SLC5A4: variants seen among roughly 807,000 people sequenced by gnomAD.
The protein encoded by SLC5A4 is solute carrier family 5 member 4, also known as probable glucose sensor protein SLC5A4.
In SLC5A4, 55 loss-of-function variants were observed where a neutral mutation model predicts 70.3. The observed-to-expected ratio is 0.78, with a 90% CI of 0.63 to 0.98. SLC5A4 has a LOEUF of 0.98. Among genes scored for constraint, SLC5A4 ranks in the 50% least tolerant of loss-of-function variants. SLC5A4 has a pLI of 0.00. For missense variants in SLC5A4, 735 were observed against 839.2 expected (o/e 0.88, Z 1.53); for synonymous variants, 268 against 305.7 (o/e 0.88, Z 1.29).
the SLC5A4 span, among the ~76,000 whole-genome samples, chr22:32,280,429 A>T: frequency 6.6e-6 from 1 of 152,062 alleles, no homozygotes; most frequent in South Asian, 2.1e-4. Flanking sequence ...ACTTGGACCC[A>T]CACATAGAGC....
In SLC5A4 at chr22:32,249,702, T is replaced by C. The variant is rs535184335; in HGVS notation, c.313-900A>G. On this transcript the variant is annotated intron_variant, in intron 3 of 14. Transcript: ENST00000266086. ...CACAGGCATCGTCTTCTGCCGAATA[T>C]GCACATGCATGTACATGAAAACACC... 1.7e-4 allele frequency among the ~76,000 whole-genome samples: 26 copies of C among 152,362 alleles called. 1 individual carries two copies. The South Asian group carries it at 5.4e-3, about 32-fold the overall frequency.
intron 2 of SLC5A4, among the ~76,000 whole-genome samples, chr22:32,252,145 G>A (rs1257220320): frequency 6.6e-6 from 1 of 151,648 alleles, no homozygotes; most frequent in African/African-American, 2.4e-5. Context: ...CAGGAGAATG[G>A]CATGAACCCA....
intron 5 of SLC5A4, among the ~76,000 whole-genome samples, chr22:32,245,074 A>C (rs1926739670): frequency 1.3e-5 from 2 of 152,216 alleles, no homozygotes; most frequent in African/African-American, 2.4e-5. Context: ...ATCTCAATAC[A>C]TATGTTATTG....
chr22:32,300,384 G>A, the SLC5A4 span, among the ~76,000 whole-genome samples: 8 of 152,054 alleles, frequency 5.3e-5, no homozygotes, highest in Non-Finnish European at 1.2e-4. Flanking sequence ...TAAACCAGTC[G>A]GAAAAGCGCA....
At chr22:32,302,144 C>T in the SLC5A4 span, among the ~76,000 whole-genome samples, 1 of 152,036 alleles carries the variant, frequency 6.6e-6, no homozygotes, top group East Asian at 1.9e-4. Context: ...TGAACTTCCT[C>T]AAAATTATTT....
chr22:32,352,203 G>C, the SLC5A4 span, among the ~76,000 whole-genome samples: 1 of 148,418 alleles, frequency 6.7e-6, no homozygotes, highest in Non-Finnish European at 1.5e-5. Flanking sequence ...TCACTCATAG[G>C]TGGGAATTGA....
At chr22:32,348,427 C>G in the SLC5A4 span, among the ~76,000 whole-genome samples, 41 of 152,174 alleles carry the variant, frequency 2.7e-4, no homozygotes, top group Admixed American at 9.8e-4. Flanking sequence ...TGGGGGCCAG[C>G]AGCAGCTGCT....
At chr22:32,277,336 C>T in the SLC5A4 span, 2 of 152,076 alleles carry the variant, frequency 1.3e-5, no homozygotes, top group Admixed American at 6.6e-5. Flanking sequence ...ATGAGTCTCC[C>T]GGAAATGATA....
chr22:32,225,628 G>A (rs200022983), intron 12 of SLC5A4, 27 bp downstream of exon 12: 153 of 1,526,050 alleles, frequency 1.0e-4, no homozygotes, highest in Middle Eastern at 1.7e-4. Flanking sequence ...CTCCAGCAGG[G>A]AAACTTTTTT....
chr22:32,332,945 T>C, the SLC5A4 span, among the ~76,000 whole-genome samples: 1 of 152,246 alleles, frequency 6.6e-6, no homozygotes, highest in South Asian at 2.1e-4. Flanking sequence ...CCTCCTGCTA[T>C]GAATTTTTCA....
chr22:32,300,994 GCT>G, the SLC5A4 span, among the ~76,000 whole-genome samples: 1 of 152,104 alleles, frequency 6.6e-6, no homozygotes, highest in African/African-American at 2.4e-5. Flanking sequence ...ACGGAATCTT[GCT>G]CTGTCGCCCA....
At chr22:32,334,307 G>A in the SLC5A4 span, among the ~76,000 whole-genome samples, 28 of 152,114 alleles carry the variant, frequency 1.8e-4, no homozygotes, top group Non-Finnish European at 4.1e-4. Flanking sequence ...ACGACCCTGT[G>A]CCCAGCCCCG....
chr22:32,314,047 A>C, the SLC5A4 span, among the ~76,000 whole-genome samples: 1 of 152,214 alleles, frequency 6.6e-6, no homozygotes, highest in Non-Finnish European at 1.5e-5. Context: ...GGAGAAGTCA[A>C]GGGAGTGGCT....
At chr22:32,322,428 T>C in the SLC5A4 span, among the ~76,000 whole-genome samples, 1 of 151,732 alleles carries the variant, frequency 6.6e-6, no homozygotes. Flanking sequence ...CTACTAAAAA[T>C]ACAAAAATTA....
the SLC5A4 span, among the ~76,000 whole-genome samples, chr22:32,298,015 G>C: frequency 1.1e-5 from 1 of 94,580 alleles, no homozygotes; most frequent in Non-Finnish European, 2.2e-5. Context: ...TGTGGTCTGA[G>C]AGATAGTTTG....
the SLC5A4 span, chr22:32,270,398 GC>G: frequency 6.9e-7 from 1 of 1,452,818 alleles, no homozygotes; most frequent in Non-Finnish European, 9.6e-7. Flanking sequence ...GAGCTTCCCG[GC>G]TGCTACGACA....
At chr22:32,239,572 ATATATATATTTATATATATATAAATT>A (rs1569375027) in intron 5 of SLC5A4, among the ~76,000 whole-genome samples, 324 of 24,056 alleles carry the variant, frequency 0.013, 33 homozygotes, top group African/African-American at 0.059. Flanking sequence ...ATATATATTT[ATATATATATTTATATATATATAAATT>A]ATATAAAATA....
intron 10 of SLC5A4, 39 bp downstream of exon 10, chr22:32,230,925 TAGAC>T (rs543956558): frequency 9.5e-6 from 12 of 1,260,308 alleles, no homozygotes; most frequent in South Asian, 2.4e-5. Context: ...AGGCCCGTCT[TAGAC>T]AGGCCTCTGG....
the SLC5A4 span, among the ~76,000 whole-genome samples, chr22:32,339,201 T>C: frequency 6.6e-6 from 1 of 152,200 alleles, no homozygotes; most frequent in Non-Finnish European, 1.5e-5. Flanking sequence ...CGTAGCTGCG[T>C]GTGAGTGGGA....
Sources: allele counts gnomAD v4.1 joint callset (sites outside exome capture counted in the v4.1 genomes callset), GRCh38; gene constraint gnomAD v4.1.1; transcripts MANE v1.5; gene names NCBI Gene and HGNC (gene_info 2026-07-23, HGNC 2026-07-21).